RALYL: variants seen among roughly 807,000 people sequenced by gnomAD.
RALYL encodes the protein RNA-binding Raly-like protein.
Under a neutral mutation model 35.1 loss-of-function variants are expected in RALYL, and 29 were observed. That is an observed-to-expected ratio of 0.83 (90% CI 0.61 to 1.13). The LOEUF is 1.13. Ranked by LOEUF, RALYL falls within the 50% of genes most tolerant of loss-of-function variation. The pLI, the probability that RALYL is intolerant of heterozygous loss-of-function variation, is 0.00. For missense variants in RALYL, 359 were observed against 360.4 expected (o/e 1.00, Z 0.03); for synonymous variants, 120 against 127.6 (o/e 0.94, Z 0.40).
intron 1 of RALYL, among the ~76,000 whole-genome samples, chr8:84,485,790 T>A (rs749666769): frequency 6.6e-6 from 1 of 152,132 alleles, no homozygotes; most frequent in African/African-American, 2.4e-5. Flanking sequence ...ATGAAGCCTC[T>A]TCTCACGACA....
intron 1 of RALYL, among the ~76,000 whole-genome samples, chr8:84,441,058 A>T (rs146106810): frequency 1.3e-5 from 2 of 152,060 alleles, no homozygotes; most frequent in African/African-American, 4.8e-5. Flanking sequence ...GTTTGTTTAT[A>T]TGTTTTGCCG....
chr8:84,810,222 A>G (rs1825608011), intron 4 of RALYL, among the ~76,000 whole-genome samples: 2 of 152,108 alleles, frequency 1.3e-5, no homozygotes, highest in Non-Finnish European at 2.9e-5. Flanking sequence ...TTAAATTTCC[A>G]TCTTAATTTT....
intron 1 of RALYL, among the ~76,000 whole-genome samples, chr8:84,422,536 G>T (rs1485540479): frequency 5.3e-5 from 4 of 75,108 alleles, no homozygotes; most frequent in Admixed American, 1.6e-4. Flanking sequence ...GGTTTTTTGT[G>T]TCTCTATTTC....
At chr8:84,562,404 C>T (rs959385651) in intron 2 of RALYL, among the ~76,000 whole-genome samples, 1 of 151,892 alleles carries the variant, frequency 6.6e-6, no homozygotes, top group Non-Finnish European at 1.5e-5. Flanking sequence ...CAAATATTAA[C>T]TCGTTAACAT....
intron 5 of RALYL, among the ~76,000 whole-genome samples, chr8:84,855,965 A>T (rs566169146): frequency 6.6e-6 from 1 of 152,360 alleles, no homozygotes; most frequent in Admixed American, 6.5e-5. Flanking sequence ...ATTTGCAGTT[A>T]ACGCAAGAAC....
intron 2 of RALYL, among the ~76,000 whole-genome samples, chr8:84,688,521 G>T (rs1451919134): frequency 6.6e-6 from 1 of 152,024 alleles, no homozygotes; most frequent in Non-Finnish European, 1.5e-5. Flanking sequence ...ACATCTTAAT[G>T]CAGCAGAAGA....
chr8:84,765,137 G>A (rs1024534114), intron 2 of RALYL, among the ~76,000 whole-genome samples: 4 of 152,172 alleles, frequency 2.6e-5, no homozygotes, highest in Admixed American at 6.5e-5. Context: ...CTTCTCCTCT[G>A]CTGCCAGACA....
At chr8:84,695,242 C>T (rs775115628) in intron 2 of RALYL, among the ~76,000 whole-genome samples, 13 of 151,666 alleles carry the variant, frequency 8.6e-5, no homozygotes, top group Non-Finnish European at 1.8e-4. Context: ...CTAACCTGTT[C>T]ATGTCATGGG....
chr8:84,336,978 T>C lies in RALYL; in HGVS notation c.-24+152554T>C, dbSNP rs1847917680. Among the ~76,000 whole-genome samples the C allele has an allele frequency of 2.8e-5, 4 of 142,562 alleles. No individual in the cohort carries two copies. The South Asian group carries it at 8.6e-4, about 31-fold the overall frequency. The allele number at this position is 142,562 out of a possible 152,430, so 93.5% of individuals were successfully genotyped here. Reference sequence around the variant, plus strand: ...AAGATGGAAATCTGCACACTACTAGTGTTTGTATTCATATTTTTTATTTGG... The same window carrying C: ...AAGATGGAAATCTGCACACTACTAGCGTTTGTATTCATATTTTTTATTTGG... On this transcript the variant is annotated intron_variant, in intron 1 of 8. Coordinates refer to ENST00000521268, the MANE Select transcript of RALYL (RefSeq NM_173848.7).
chr8:84,485,758 A>G (rs2054543905), intron 1 of RALYL, among the ~76,000 whole-genome samples: 1 of 152,148 alleles, frequency 6.6e-6, no homozygotes, highest in African/African-American at 2.4e-5. Flanking sequence ...TAATGAGTTT[A>G]TATTCAAAAT....
intron 2 of RALYL, among the ~76,000 whole-genome samples, chr8:84,689,167 C>T (rs1364460647): frequency 1.1e-4 from 17 of 151,630 alleles, no homozygotes; most frequent in African/African-American, 3.2e-4. Flanking sequence ...CATGCTGGTG[C>T]GCTGCACCCA....
chr8:84,623,507 A>C (rs1231036305), intron 2 of RALYL, among the ~76,000 whole-genome samples: 1 of 152,170 alleles, frequency 6.6e-6, no homozygotes, highest in African/African-American at 2.4e-5. Flanking sequence ...AGTAAGTAGA[A>C]TTAAATTTAC....
At chr8:84,589,227 A>G (rs1344743831) in intron 2 of RALYL, among the ~76,000 whole-genome samples, 1 of 152,172 alleles carries the variant, frequency 6.6e-6, no homozygotes, top group Non-Finnish European at 1.5e-5. Context: ...TGATTATGAA[A>G]CTACAGAATC....
At chr8:84,280,987 T>C (rs1233880532) in intron 1 of RALYL, among the ~76,000 whole-genome samples, 2 of 152,190 alleles carry the variant, frequency 1.3e-5, no homozygotes, top group Non-Finnish European at 2.9e-5. Flanking sequence ...CACACTTCAG[T>C]TTGCATAGGG....
chr8:84,747,214 G>A (rs933159023), intron 2 of RALYL, among the ~76,000 whole-genome samples: 2 of 151,526 alleles, frequency 1.3e-5, no homozygotes, highest in African/African-American at 4.8e-5. Context: ...ATGCTTTTCT[G>A]AATTTTGATA....
intron 2 of RALYL, among the ~76,000 whole-genome samples, chr8:84,770,032 T>C (rs1367601722): frequency 1.3e-5 from 2 of 152,180 alleles, no homozygotes; most frequent in Non-Finnish European, 2.9e-5. Flanking sequence ...TCCTTGTTTA[T>C]CTCTGCCTTC....
At chr8:84,591,460 C>T (rs1813251431) in intron 2 of RALYL, among the ~76,000 whole-genome samples, 1 of 152,178 alleles carries the variant, frequency 6.6e-6, no homozygotes, top group Non-Finnish European at 1.5e-5. Flanking sequence ...CTTACACACT[C>T]AGTAGGTTGC....
At chr8:84,738,349 T>C (rs1847698710) in intron 2 of RALYL, among the ~76,000 whole-genome samples, 2 of 152,006 alleles carry the variant, frequency 1.3e-5, no homozygotes. Context: ...ATCTTCACCA[T>C]AATCTTAACC....
chr8:84,761,790 G>T (rs1021939732), intron 2 of RALYL, among the ~76,000 whole-genome samples: 5 of 152,134 alleles, frequency 3.3e-5, no homozygotes, highest in African/African-American at 4.8e-5. Flanking sequence ...AACATGGGAG[G>T]GGGTCCAGTA....
Sources: allele counts gnomAD v4.1 joint callset (sites outside exome capture counted in the v4.1 genomes callset), GRCh38; gene constraint gnomAD v4.1.1; transcripts MANE v1.5; gene names NCBI Gene and HGNC (gene_info 2026-07-23, HGNC 2026-07-21).